Variants in CCDC57 observed in about 807,000 individuals in gnomAD.
CCDC57 encodes coiled-coil domain containing 57, also known as coiled-coil domain-containing protein 57.
CCDC57 carries 118 observed loss-of-function variants against 118.9 expected under a neutral mutation model. That is an observed-to-expected ratio of 0.99 (90% CI 0.86 to 1.16). The LOEUF is 1.16. Ranked by LOEUF, CCDC57 falls within the 50% of genes most tolerant of loss-of-function variation. CCDC57 has a pLI of 0.00. For synonymous variants in CCDC57, 527 were observed against 532.9 expected (o/e 0.99, Z 0.15); for missense variants, 1,300 against 1,320.7 (o/e 0.98, Z 0.24).
chr17:82,105,570 G>A (rs958953197), intron 19 of CCDC57, among the ~76,000 whole-genome samples: 2 of 152,066 alleles, frequency 1.3e-5, no homozygotes, highest in African/African-American at 4.8e-5. Context: ...CCCAGCCTGC[G>A]TCAACCCTCA....
intron 4 of CCDC57, 131 bp downstream of exon 3, chr17:82,198,183 C>A: frequency 1.7e-6 from 1 of 591,200 alleles, no homozygotes; most frequent in Non-Finnish European, 3.0e-6. Flanking sequence ...CCCCAAAGAC[C>A]CCATTTTACT....
intron 19 of CCDC57, among the ~76,000 whole-genome samples, chr17:82,106,831 G>A (rs2034881203): frequency 6.6e-6 from 1 of 152,204 alleles, no homozygotes; most frequent in Non-Finnish European, 1.5e-5. Context: ...GGGAGATTCT[G>A]GGTAAAATTC....
rs2036266763 is a variant in CCDC57 at position 82,118,855 on chromosome 17, AC to A, written c.2899+8836del. On this transcript the variant is annotated intron_variant, in intron 19 of 19. Transcript: ENST00000665763. The surrounding 1 kb of genome is among the most constrained non-coding windows in gnomAD (Gnocchi z 4.7). ...ATTTCTTCACCCGTATCTAAGGTTA[AC>A]CCTCTTCCGGCCATTTGTAAATACT... Among the ~76,000 whole-genome samples, 1 of 151,504 alleles carries A rather than the reference AC, an allele frequency of 6.6e-6. No homozygotes were observed. Among genetic ancestry groups the A allele is most frequent in the African/African-American group, 2.4e-5 (1 of 41,120 alleles).
chr17:82,128,040 C>T (rs11077970), intron 18 of CCDC57, 132 bp from the exon 18 acceptor site: 737,087 of 1,331,840 alleles, frequency 0.55, 210,366 homozygotes, highest in Non-Finnish European at 0.59. Context: ...CAGATGCTCC[C>T]AGGATCACCC....
intron 19 of CCDC57, among the ~76,000 whole-genome samples, chr17:82,105,569 C>T (rs1182510536): frequency 2.6e-5 from 4 of 152,130 alleles, no homozygotes; most frequent in Non-Finnish European, 4.4e-5. Flanking sequence ...CCCCAGCCTG[C>T]GTCAACCCTC....
chr17:82,147,665 G>A (rs1386482694), intron 16 of CCDC57, among the ~76,000 whole-genome samples: 8 of 128,898 alleles, frequency 6.2e-5, no homozygotes, highest in Admixed American at 1.6e-4. Context: ...ACATGGAAGG[G>A]TGGGTGGGTG....
intron 13 of CCDC57, among the ~76,000 whole-genome samples, chr17:82,166,846 G>A (rs575345028): frequency 6.6e-6 from 1 of 151,998 alleles, no homozygotes; most frequent in Non-Finnish European, 1.5e-5. Context: ...AGCCCAGGGG[G>A]TCAAGGCTGC....
intron 9 of CCDC57, 47 bp from the exon 9 acceptor site, chr17:82,179,236 T>C (rs751049766): frequency 6.4e-7 from 1 of 1,572,722 alleles, no homozygotes; most frequent in South Asian, 1.2e-5. Context: ...CTGAGGTCCC[T>C]TCCACAGGAA....
intron 4 of CCDC57, among the ~76,000 whole-genome samples, chr17:82,197,478 C>T (rs576933432): frequency 6.6e-6 from 1 of 152,368 alleles, no homozygotes; most frequent in African/African-American, 2.4e-5. Flanking sequence ...GTGACTGCCA[C>T]TTTTCAGTTG....
intron 16 of CCDC57, among the ~76,000 whole-genome samples, chr17:82,137,009 A>G (rs1598810772): frequency 7.3e-6 from 1 of 136,650 alleles, no homozygotes; most frequent in Non-Finnish European, 1.5e-5. Flanking sequence ...TCCTTGGTGT[A>G]CTACTTTTTT....
rs1262371923 is a variant in CCDC57, at chr17:82,180,144, C to T, written c.1212-955G>A. 2.6e-5 allele frequency among the ~76,000 whole-genome samples: 4 copies of T among 152,200 alleles called. No individual in the cohort carries two copies. In the East Asian group the frequency reaches 7.7e-4, roughly 29 times the overall value. On this transcript the variant is annotated intron_variant, in intron 9 of 19. Transcript: ENST00000665763. ...TGAGCCACCGTGTTGTGAGAGGGTC[C>T]CTGGAGGGGCTGCGTGGCCAGGACT...
intron 17 of CCDC57, among the ~76,000 whole-genome samples, chr17:82,131,879 G>C (rs2038417631): frequency 6.6e-6 from 1 of 152,100 alleles, no homozygotes. Context: ...ACTTTGGGAG[G>C]CTGAGGCAGG....
chr17:82,190,078 T>G (rs934357222), intron 7 of CCDC57, among the ~76,000 whole-genome samples: 3 of 152,148 alleles, frequency 2.0e-5, no homozygotes, highest in African/African-American at 7.2e-5. Flanking sequence ...CTCCAGTAAA[T>G]TGCATATCCC....
At chr17:82,148,465 TTGGG>T (rs1418620076) in intron 16 of CCDC57, among the ~76,000 whole-genome samples, 1 of 1,850 alleles carries the variant, frequency 5.4e-4, no homozygotes, top group Non-Finnish European at 9.3e-4. Flanking sequence ...GGATGGATGG[TTGGG>T]TGGGTGGGTG....
At chr17:82,126,304 C>G (rs1459724751) in intron 19 of CCDC57, 1 of 747,012 alleles carries the variant, frequency 1.3e-6, no homozygotes, top group Non-Finnish European at 1.6e-6. Flanking sequence ...AAAAAACAGA[C>G]AAGATAAAAA....
At chr17:82,190,145 G>A (rs1022884911) in intron 7 of CCDC57, among the ~76,000 whole-genome samples, 1 of 151,652 alleles carries the variant, frequency 6.6e-6, no homozygotes, top group African/African-American at 2.4e-5. Context: ...ACTTCTCAAG[G>A]TTCTTCATAT....
chr17:82,172,857 G>A lies in CCDC57; in HGVS notation c.1510C>T (p.Leu504Phe), dbSNP rs745411975. The A allele has an allele frequency of 1.2e-6, 2 of 1,609,784 alleles. No homozygotes were observed. The highest frequency in any genetic ancestry group is 1.7e-6 in the Non-Finnish European group (2 of 1,178,100). Residue 504 changes from leucine (L) to phenylalanine (F), a missense_variant, in exon 12 of 20, where the codon CTT becomes TTT. Transcript: ENST00000665763. This position sits in a 1 kb window ranked among gnomAD's most constrained non-coding sequence, Gnocchi z 5.2. Reference sequence around the variant, plus strand: ...ATTTCTTCTTCATGCTGCCTGAGAAGCATCTGTCAAATACAAGGAAAAATG... The same window carrying A: ...ATTTCTTCTTCATGCTGCCTGAGAAACATCTGTCAAATACAAGGAAAAATG...
intron 19 of CCDC57, among the ~76,000 whole-genome samples, chr17:82,123,982 CAAAAAAAAAA>C (rs200031813): frequency 4.7e-5 from 3 of 64,306 alleles, no homozygotes; most frequent in Non-Finnish European, 8.6e-5. Flanking sequence ...CATCCAAAAG[CAAAAAAAAAA>C]AAAAAAAAAA....
At chr17:82,157,617 G>T in intron 15 of CCDC57, 131 bp downstream of exon 14, 1 of 1,447,342 alleles carries the variant, frequency 6.9e-7, no homozygotes. Context: ...TCCAGGCACG[G>T]CCTTCACTGC....
Sources: allele counts gnomAD v4.1 joint callset (sites outside exome capture counted in the v4.1 genomes callset), GRCh38; gene constraint gnomAD v4.1.1; non-coding constraint Gnocchi (gnomAD v3.1); transcripts MANE v1.5; gene names NCBI Gene and HGNC (gene_info 2026-07-23, HGNC 2026-07-21).